Variants in PTPRD observed in about 807,000 individuals in gnomAD.
PTPRD encodes the protein receptor-type tyrosine-protein phosphatase delta.
A neutral mutation model predicts 214.5 loss-of-function variants in PTPRD; 34 were observed. The observed-to-expected ratio is 0.16, with a 90% CI of 0.12 to 0.21. The LOEUF (loss-of-function observed/expected upper bound fraction) is 0.21. Among genes scored for constraint, PTPRD ranks in the 10% least tolerant of loss-of-function variants. The pLI is 1.00. For synonymous variants in PTPRD, 1,128 were observed against 845.7 expected (o/e 1.33, Z -5.79); for missense variants, 2,545 against 2,398.7 (o/e 1.06, Z -1.27).
intron 7 of PTPRD, among the ~76,000 whole-genome samples, chr9:9,708,061 C>T (rs1047533492): frequency 6.6e-6 from 1 of 152,028 alleles, no homozygotes; most frequent in Non-Finnish European, 1.5e-5. Flanking sequence ...AAGAGACTTT[C>T]AATGACAAAG....
intron 11 of PTPRD, among the ~76,000 whole-genome samples, chr9:8,776,020 A>G (rs574250774): frequency 1.3e-5 from 2 of 152,316 alleles, no homozygotes; most frequent in East Asian, 3.9e-4. Context: ...GTTAAAATTA[A>G]AAAGAAATGA....
chr9:10,194,397 G>A (rs1286438751), intron 3 of PTPRD, among the ~76,000 whole-genome samples: 1 of 124,998 alleles, frequency 8.0e-6, no homozygotes, highest in African/African-American at 3.3e-5. Flanking sequence ...GAGAGAGAGA[G>A]AGCTATTCAC....
At chr9:10,589,764 A>C (rs2074956366) in intron 2 of PTPRD, among the ~76,000 whole-genome samples, 1 of 152,052 alleles carries the variant, frequency 6.6e-6, no homozygotes, top group Admixed American at 6.6e-5. Context: ...GAATCAGGAT[A>C]AGAGGAAAGC....
At chr9:10,321,565 T>A (rs985368686) in intron 3 of PTPRD, among the ~76,000 whole-genome samples, 2 of 152,018 alleles carry the variant, frequency 1.3e-5, no homozygotes, top group Non-Finnish European at 2.9e-5. Flanking sequence ...TCATTTCAAA[T>A]CAGAGCAATG....
chr9:9,725,115 C>T (rs1292019639), intron 7 of PTPRD, among the ~76,000 whole-genome samples: 9 of 152,184 alleles, frequency 5.9e-5, no homozygotes, highest in Non-Finnish European at 7.4e-5. Flanking sequence ...TCCTCTTTTG[C>T]TTCAAAGGTG....
intron 10 of PTPRD, among the ~76,000 whole-genome samples, chr9:9,131,919 T>A (rs867830176): frequency 1.3e-5 from 2 of 152,212 alleles, no homozygotes; most frequent in Non-Finnish European, 2.9e-5. Flanking sequence ...TGTAATGAAT[T>A]TTAAAGACAG....
chr9:8,819,856 T>A (rs894587508), intron 11 of PTPRD, among the ~76,000 whole-genome samples: 1 of 152,126 alleles, frequency 6.6e-6, no homozygotes, highest in African/African-American at 2.4e-5. Context: ...CAAAACGAGC[T>A]GAAAGATCAC....
chr9:9,615,670 G>C (rs1333669424), intron 7 of PTPRD, among the ~76,000 whole-genome samples: 4 of 152,136 alleles, frequency 2.6e-5, no homozygotes, highest in Non-Finnish European at 5.9e-5. Context: ...AGTGAAAATT[G>C]TTCTGGAGAT....
At chr9:10,127,001 CTGGGTAACAGGATATTCAGTG>C (rs1342177286) in intron 3 of PTPRD, among the ~76,000 whole-genome samples, 1 of 131,102 alleles carries the variant, frequency 7.6e-6, no homozygotes, top group Non-Finnish European at 1.6e-5. Context: ...CATTTCATTT[CTGGGTAACAGGATATTCAGTG>C]TGGCCTCTTC....
At chr9:8,499,465 T>C (rs1006722257) in intron 25 of PTPRD, among the ~76,000 whole-genome samples, 182 bp downstream of exon 25, 6 of 152,210 alleles carry the variant, frequency 3.9e-5, no homozygotes, top group African/African-American at 1.4e-4. Context: ...TCATTACAAT[T>C]CCCTTCCTCA....
chr9:9,575,629 A>T (rs2088265192), intron 7 of PTPRD, among the ~76,000 whole-genome samples: 1 of 144,380 alleles, frequency 6.9e-6, no homozygotes, highest in African/African-American at 2.5e-5. Context: ...CTGAGGCAGG[A>T]GAATCACTGG....
intron 5 of PTPRD, among the ~76,000 whole-genome samples, chr9:9,886,704 G>T (rs2071064377): frequency 6.6e-6 from 1 of 152,140 alleles, no homozygotes; most frequent in African/African-American, 2.4e-5. Context: ...AACACTACAT[G>T]ACTTTTGTGG....
At position 10,434,973 on chromosome 9, in the gene PTPRD, G is replaced by C. The variant is rs1026360028; in HGVS notation, c.-599-93956C>G. On this transcript the variant is annotated intron_variant, in intron 2 of 45. Coordinates refer to ENST00000381196, the MANE Select transcript of PTPRD (RefSeq NM_002839.4). Reference sequence around the variant, plus strand: ...CTATGCTACCCCGAGCGCTGGACTAGGAATTGGTAGATGAGGAGGAAAACT... The same window carrying C: ...CTATGCTACCCCGAGCGCTGGACTACGAATTGGTAGATGAGGAGGAAAACT... 6.6e-5 allele frequency among the ~76,000 whole-genome samples: 10 copies of C among 151,754 alleles called. No individual in the cohort carries two copies. The South Asian group carries it at 1.7e-3, about 25-fold the overall frequency.
At chr9:9,115,810 C>A (rs933295389) in intron 10 of PTPRD, among the ~76,000 whole-genome samples, 2 of 152,042 alleles carry the variant, frequency 1.3e-5, no homozygotes, top group Non-Finnish European at 2.9e-5. Context: ...ATAGCAAAGT[C>A]ATGGAATCAA....
At chr9:9,613,953 T>C (rs2094695228) in intron 7 of PTPRD, among the ~76,000 whole-genome samples, 1 of 152,148 alleles carries the variant, frequency 6.6e-6, no homozygotes, top group African/African-American at 2.4e-5. Flanking sequence ...TGTTCAGCTT[T>C]TGAAATGATG....
At chr9:10,488,890 G>A (rs1311207163) in intron 2 of PTPRD, among the ~76,000 whole-genome samples, 2 of 152,082 alleles carry the variant, frequency 1.3e-5, no homozygotes, top group Non-Finnish European at 2.9e-5. Flanking sequence ...GTCCAGAAAT[G>A]CAGTCCAATA....
At chr9:9,221,415 G>C (rs369860602) in intron 9 of PTPRD, among the ~76,000 whole-genome samples, 6 of 152,122 alleles carry the variant, frequency 3.9e-5, no homozygotes, top group African/African-American at 1.4e-4. Context: ...TAGTTGGCTT[G>C]GGCTGCCACA....
chr9:9,915,205 A>G (rs1349353608), intron 5 of PTPRD, among the ~76,000 whole-genome samples: 3 of 152,194 alleles, frequency 2.0e-5, no homozygotes, highest in African/African-American at 7.2e-5. Flanking sequence ...TACCAAACTG[A>G]CAGCCCAAGA....
At chr9:10,159,616 T>C (rs73396361) in intron 3 of PTPRD, among the ~76,000 whole-genome samples, 5,428 of 152,006 alleles carry the variant, frequency 0.036, 103 homozygotes, top group Middle Eastern at 0.065. Context: ...CCAGATAACA[T>C]AGAAAAATAA....
Sources: gnomAD v4.1 joint callset for allele counts (sites outside exome capture counted in the v4.1 genomes callset) on GRCh38, gnomAD v4.1.1 for gene constraint, MANE v1.5 for transcripts, NCBI Gene and HGNC (gene_info 2026-07-23, HGNC 2026-07-21) for gene names.